STON2: variants seen among roughly 807,000 people sequenced by gnomAD.
STON2 encodes stonin-2.
In STON2, 29 loss-of-function variants were observed where a neutral mutation model predicts 65.7. That is an observed-to-expected ratio of 0.44 (90% confidence interval 0.33 to 0.60). The LOEUF (loss-of-function observed/expected upper bound fraction) is 0.60. Ranked by LOEUF, STON2 falls within the 20% of genes least tolerant of loss-of-function variation. The pLI is 0.03. For synonymous variants in STON2, 404 were observed against 414.2 expected (o/e 0.98, Z 0.30); for missense variants, 1,054 against 1,118.1 (o/e 0.94, Z 0.82).
chr14:81,326,529 C>CA (rs1395792259), intron 4 of STON2, among the ~76,000 whole-genome samples: 4 of 152,138 alleles, frequency 2.6e-5, no homozygotes, highest in Non-Finnish European at 5.9e-5. Context: ...TTGAAACCTG[C>CA]ATTACACAAG....
At chr14:81,317,791 CTCCTGGAACTGGG>C (rs1186423640) in intron 5 of STON2, among the ~76,000 whole-genome samples, 1 of 152,162 alleles carries the variant, frequency 6.6e-6, no homozygotes, top group Non-Finnish European at 1.5e-5. Context: ...CATAATACCC[CTCCTGGAACTGGG>C]AAGTGGATAA....
chr14:81,300,223 A>C (rs1895919534), intron 5 of STON2, among the ~76,000 whole-genome samples: 2 of 152,058 alleles, frequency 1.3e-5, no homozygotes, highest in Admixed American at 1.3e-4. Context: ...ATCCTGGAGC[A>C]ACTAGATATC....
intron 2 of STON2, among the ~76,000 whole-genome samples, chr14:81,406,665 T>C (rs985608673): frequency 6.6e-6 from 1 of 152,196 alleles, no homozygotes; most frequent in Admixed American, 6.5e-5. Flanking sequence ...ATGCTTGAGA[T>C]GTTAATAAGA....
At chr14:81,397,848 A>C (rs369212115) in intron 2 of STON2, among the ~76,000 whole-genome samples, 1 of 152,058 alleles carries the variant, frequency 6.6e-6, no homozygotes, top group African/African-American at 2.4e-5. Flanking sequence ...GATTATCCCT[A>C]CTGTACAGAT....
At chr14:81,299,632 A>G (rs566937172) in intron 5 of STON2, among the ~76,000 whole-genome samples, 1 of 152,342 alleles carries the variant, frequency 6.6e-6, no homozygotes, top group African/African-American at 2.4e-5. Context: ...GAATACAGCA[A>G]GTCCTCAGGA....
chr14:81,294,106 T>TA (rs1895668495), intron 5 of STON2, among the ~76,000 whole-genome samples: 1 of 152,184 alleles, frequency 6.6e-6, no homozygotes. Flanking sequence ...AGACAAGAGA[T>TA]AGATGAAAAG....
chr14:81,317,246 C>T (rs1457386254), intron 5 of STON2, among the ~76,000 whole-genome samples: 2 of 152,104 alleles, frequency 1.3e-5, no homozygotes, highest in Non-Finnish European at 2.9e-5. Flanking sequence ...GGAGCACACG[C>T]TCATTAACAC....
Position 81,398,453 on chromosome 14 carries a change from T to G in STON2, c.-71A>C. ...CCCCAGAATACTGTCTGGGGTGGGC[T>G]GGAGTAGGGGTATGGTAGTACGGTA... On this transcript the variant is annotated 5_prime_UTR_variant, in exon 2 of 8. Coordinates refer to ENST00000614646, the MANE Select transcript of STON2 (RefSeq NM_001394390.1). 1 of 1,269,058 alleles carries G rather than the reference T, an allele frequency of 7.9e-7. No homozygotes were observed. The highest frequency in any genetic ancestry group is 1.1e-6 in the Non-Finnish European group (1 of 869,806). The allele number at this position is 1,269,058 out of a possible 1,614,324, so 78.6% of individuals were successfully genotyped here. A position where few individuals can be genotyped will look rare whatever the true frequency, so the allele number is the denominator to read the frequency against.
chr14:81,373,629 AC>A (rs1899106735), intron 3 of STON2, among the ~76,000 whole-genome samples: 1 of 152,224 alleles, frequency 6.6e-6, no homozygotes, highest in Admixed American at 6.5e-5. Flanking sequence ...AAGATTTTGA[AC>A]AAACCAGACT....
In STON2 at chr14:81,274,009, T is replaced by TA. The variant is rs375418722; in HGVS notation, c.2581+2891dup. Among the ~76,000 whole-genome samples the TA allele has an allele frequency of 5.2e-4, 79 of 152,280 alleles. 2 individuals carry two copies. Among genetic ancestry groups the TA allele is most frequent in the African/African-American group, 1.7e-3 (71 of 41,560 alleles). ...CCAGGAAAGGGCTATTACTGAAAGATAACCATCAATTCTCTGGGTTCCCGG... is the reference window on the plus strand; with the variant it reads ...CCAGGAAAGGGCTATTACTGAAAGATAAACCATCAATTCTCTGGGTTCCCGG... On this transcript the variant is annotated intron_variant, in intron 6 of 7. Coordinates refer to ENST00000614646, the MANE Select transcript of STON2 (RefSeq NM_001394390.1).
chr14:81,293,251 G>A (rs943021011), intron 5 of STON2, among the ~76,000 whole-genome samples: 2 of 149,112 alleles, frequency 1.3e-5, no homozygotes, highest in Non-Finnish European at 3.0e-5. Flanking sequence ...TTGGCTCACT[G>A]CAACCTCTGC....
chr14:81,393,295 G>C (rs1900164592), intron 3 of STON2, among the ~76,000 whole-genome samples: 1 of 152,172 alleles, frequency 6.6e-6, no homozygotes, highest in African/African-American at 2.4e-5. Flanking sequence ...ATGACCTGAA[G>C]GCACGGCCAT....
At chr14:81,288,877 G>A (rs1895445298) in intron 5 of STON2, among the ~76,000 whole-genome samples, 1 of 151,880 alleles carries the variant, frequency 6.6e-6, no homozygotes, top group Non-Finnish European at 1.5e-5. Context: ...CCCATGCCAG[G>A]GCTGGGGAGC....
At chr14:81,374,758 T>C (rs2140376638) in intron 3 of STON2, among the ~76,000 whole-genome samples, 1 of 152,282 alleles carries the variant, frequency 6.6e-6, no homozygotes, top group South Asian at 2.1e-4. Context: ...GACAGTCTCA[T>C]AGATATCTAA....
chr14:81,329,796 T>G (rs58725279), intron 4 of STON2, among the ~76,000 whole-genome samples: 6,325 of 152,200 alleles, frequency 0.042, 437 homozygotes, highest in African/African-American at 0.14. Context: ...GGGGAAATCC[T>G]AGACAGGAGA....
chr14:81,330,111 A>G (rs1358450031), intron 4 of STON2, among the ~76,000 whole-genome samples: 2 of 151,080 alleles, frequency 1.3e-5, no homozygotes, highest in African/African-American at 4.9e-5. Flanking sequence ...GCCTAATAAA[A>G]ACATCTACAC....
chr14:81,386,635 T>A (rs1044106158), intron 3 of STON2, among the ~76,000 whole-genome samples: 2 of 152,190 alleles, frequency 1.3e-5, no homozygotes, highest in Admixed American at 6.6e-5. Flanking sequence ...AAAGGGTTTT[T>A]TTGTTGTTGT....
chr14:81,365,468 G>C (rs1898677945), intron 4 of STON2, among the ~76,000 whole-genome samples: 1 of 152,124 alleles, frequency 6.6e-6, no homozygotes, highest in Admixed American at 6.5e-5. Flanking sequence ...GCATAAAAGA[G>C]AGCCTGGACA....
chr14:81,334,051 A>G (rs1897294119), intron 4 of STON2, among the ~76,000 whole-genome samples: 1 of 152,074 alleles, frequency 6.6e-6, no homozygotes, highest in Non-Finnish European at 1.5e-5. Context: ...AGCTTGCACT[A>G]CTCTTAAGCA....
Sources: allele counts gnomAD v4.1 joint callset (sites outside exome capture counted in the v4.1 genomes callset), GRCh38; gene constraint gnomAD v4.1.1; transcripts MANE v1.5; gene names NCBI Gene and HGNC (gene_info 2026-07-23, HGNC 2026-07-21).